Variants in GPAT3 observed in about 807,000 individuals in gnomAD.
The protein encoded by GPAT3 is glycerol-3-phosphate acyltransferase 3.
GPAT3 carries 53 observed loss-of-function variants against 58.8 expected under a neutral mutation model. The observed-to-expected ratio is 0.90, with a 90% CI of 0.72 to 1.13. GPAT3 has a LOEUF of 1.13. Among genes scored for constraint, GPAT3 ranks in the 50% most tolerant of loss-of-function variants. GPAT3 has a pLI of 0.00. For missense variants in GPAT3, 511 were observed against 527.6 expected, an observed-to-expected ratio of 0.97 and a Z score of 0.31; for synonymous variants, 197 against 187.4, an observed-to-expected ratio of 1.05 and a Z score of -0.42.
intron 2 of GPAT3, among the ~76,000 whole-genome samples, chr4:83,553,966 T>C (rs182787719): frequency 6.6e-5 from 10 of 152,246 alleles, no homozygotes; most frequent in African/African-American, 2.2e-4. Flanking sequence ...TAGTCCCTTA[T>C]AGTCAACTCA....
At chr4:83,585,876 T>A (rs115307606) in intron 3 of GPAT3, among the ~76,000 whole-genome samples, 1 of 152,184 alleles carries the variant, frequency 6.6e-6, no homozygotes, top group Non-Finnish European at 1.5e-5. Flanking sequence ...CGTGAGACAC[T>A]GCTTATTTCT....
intron 2 of GPAT3, among the ~76,000 whole-genome samples, chr4:83,579,424 C>G (rs2110096360): frequency 6.6e-6 from 1 of 151,448 alleles, no homozygotes; most frequent in South Asian, 2.1e-4. Flanking sequence ...TCCCAAGTAG[C>G]TGGGACTACA....
At chr4:83,544,974 T>C (rs2110071171) in intron 2 of GPAT3, among the ~76,000 whole-genome samples, 1 of 152,290 alleles carries the variant, frequency 6.6e-6, no homozygotes, top group Non-Finnish European at 1.5e-5. Flanking sequence ...AACCAACTTG[T>C]GATTCTCAAA....
At chr4:83,569,037 C>A (rs62305336) in intron 2 of GPAT3, among the ~76,000 whole-genome samples, 31,875 of 152,036 alleles carry the variant, frequency 0.21, 3,565 homozygotes, top group East Asian at 0.31. Context: ...TACTGGTAAT[C>A]AGTTGGTTCT....
At chr4:83,547,480 C>A (rs1724583937) in intron 2 of GPAT3, among the ~76,000 whole-genome samples, 1 of 151,612 alleles carries the variant, frequency 6.6e-6, no homozygotes, top group Non-Finnish European at 1.5e-5. Context: ...TCTCGATCTC[C>A]TGACCTTGTG....
chr4:83,587,415 A>G (rs1195210136), intron 4 of GPAT3, 86 bp downstream of exon 4: 2 of 1,148,906 alleles, frequency 1.7e-6, no homozygotes, highest in Non-Finnish European at 2.5e-6. Flanking sequence ...TTTGATTCCT[A>G]TGTATTGCAT....
intron 2 of GPAT3, among the ~76,000 whole-genome samples, chr4:83,545,315 C>T (rs961348036): frequency 6.6e-6 from 1 of 152,040 alleles, no homozygotes; most frequent in Non-Finnish European, 1.5e-5. Flanking sequence ...GTGGTGCGCA[C>T]CTGTAGTCCC....
At chr4:83,567,818 G>A (rs185734763) in intron 2 of GPAT3, among the ~76,000 whole-genome samples, 92 of 152,194 alleles carry the variant, frequency 6.0e-4, no homozygotes, top group African/African-American at 2.2e-3. Flanking sequence ...TTATTGGTTG[G>A]TTAGGGGTGC....
chr4:83,599,457 G>A (rs1306043728), intron 11 of GPAT3, among the ~76,000 whole-genome samples: 1 of 152,166 alleles, frequency 6.6e-6, no homozygotes, highest in African/African-American at 2.4e-5. Flanking sequence ...ATAACACCTA[G>A]CTGCAAAGGA....
At chr4:83,586,743 G>A (rs948258115) in intron 3 of GPAT3, among the ~76,000 whole-genome samples, 1 of 152,176 alleles carries the variant, frequency 6.6e-6, no homozygotes, top group African/African-American at 2.4e-5. Flanking sequence ...CTATATGGAG[G>A]TTAGAGGTAC....
At chr4:83,565,659 C>A (rs1328525364) in intron 2 of GPAT3, among the ~76,000 whole-genome samples, 1 of 152,092 alleles carries the variant, frequency 6.6e-6, no homozygotes, top group Non-Finnish European at 1.5e-5. Context: ...TCATGCCAGG[C>A]TAATTTTTGT....
chr4:83,585,383 A>G lies in GPAT3; in HGVS notation c.480-1872A>G, dbSNP rs564052070. Among the ~76,000 whole-genome samples, 129 of 150,446 alleles carry G rather than the reference A, an allele frequency of 8.6e-4. No homozygotes were observed. In the Middle Eastern group the frequency reaches 0.028, roughly 33 times the overall value. ...ATAATATATATTAATGTATTACTTT[A>G]TTATCCTATTTTGAGTGAGGACAAA... On this transcript the variant is annotated intron_variant, in intron 3 of 11. Transcript: ENST00000264409.
intron 11 of GPAT3, among the ~76,000 whole-genome samples, chr4:83,602,364 A>G (rs1393490830): frequency 2.6e-5 from 4 of 152,228 alleles, no homozygotes; most frequent in African/African-American, 7.2e-5. Flanking sequence ...GCCATATGCA[A>G]TTGTATAATA....
intron 2 of GPAT3, among the ~76,000 whole-genome samples, chr4:83,551,414 C>A (rs545006418): frequency 6.6e-6 from 1 of 152,028 alleles, no homozygotes; most frequent in Non-Finnish European, 1.5e-5. Flanking sequence ...CAGTATATTG[C>A]GCCTGGCTGG....
chr4:83,547,246 CTTTTTTTTT>C (rs10618385), intron 2 of GPAT3, among the ~76,000 whole-genome samples: 11 of 82,204 alleles, frequency 1.3e-4, no homozygotes, highest in African/African-American at 5.7e-4. Flanking sequence ...TTCTACTGCT[CTTTTTTTTT>C]TTTTTTTTTT....
chr4:83,557,968 T>A (rs1724998797), intron 2 of GPAT3, among the ~76,000 whole-genome samples: 1 of 152,140 alleles, frequency 6.6e-6, no homozygotes, highest in African/African-American at 2.4e-5. Context: ...ATCCCAGCAC[T>A]TTGGGAGGCC....
chr4:83,589,087 T>G (rs1383142592), intron 5 of GPAT3, among the ~76,000 whole-genome samples: 1 of 152,190 alleles, frequency 6.6e-6, no homozygotes, highest in Non-Finnish European at 1.5e-5. Context: ...AATTATATGA[T>G]GTTGCAATTG....
intron 2 of GPAT3, among the ~76,000 whole-genome samples, chr4:83,552,108 C>G (rs1312196905): frequency 6.6e-6 from 1 of 152,106 alleles, no homozygotes; most frequent in Non-Finnish European, 1.5e-5. Context: ...TAAACTGAAA[C>G]CTATGGAACA....
In GPAT3 at chr4:83,581,665, G is replaced by A. The variant is rs774734110; in HGVS notation, c.312G>A (p.Leu104=). ...SDVFYFSKKG[L]EAIVEDEVTQ... ...TGTTTTATTTCTCCAAGAAGGGATT[G>A]GAAGCCATTGTAGAAGATGAAGTGA... Residue 104 remains leucine, a synonymous_variant, in exon 3 of 12, where the codon TTG becomes TTA. Transcript: ENST00000264409. 3 of 1,614,156 alleles carry A rather than the reference G, an allele frequency of 1.9e-6. No individual in the cohort carries two copies. The highest frequency in any genetic ancestry group is 1.7e-6 in the Non-Finnish European group (2 of 1,180,018).
Sources: gnomAD v4.1 joint callset for allele counts (sites outside exome capture counted in the v4.1 genomes callset) on GRCh38, gnomAD v4.1.1 for gene constraint, MANE v1.5 for transcripts, NCBI Gene and HGNC (gene_info 2026-07-23, HGNC 2026-07-21) for gene names.